Variants in MGMT observed in about 807,000 individuals in gnomAD.
MGMT encodes methylated-DNA--protein-cysteine methyltransferase.
In MGMT, 14 loss-of-function variants were observed where a neutral mutation model predicts 15.9. The observed-to-expected ratio is 0.88, with a 90% CI of 0.58 to 1.37. The LOEUF (loss-of-function observed/expected upper bound fraction) is 1.37, where lower values mean the gene tolerates loss of function less well. Among genes scored for constraint, MGMT ranks in the 40% most tolerant of loss-of-function variants. MGMT has a pLI of 0.00. For synonymous variants in MGMT, 130 were observed against 118.2 expected (o/e 1.10, Z -0.65); for missense variants, 282 against 268.1 (o/e 1.05, Z -0.36).
chr10:129,536,496 C>T (rs1344180309), intron 2 of MGMT, 119 bp downstream of exon 2: 16 of 1,256,738 alleles, frequency 1.3e-5, no homozygotes, highest in Admixed American at 8.5e-5. Flanking sequence ...CCCCCACAAC[C>T]GCAACCACGA....
intron 2 of MGMT, among the ~76,000 whole-genome samples, chr10:129,617,621 T>C (rs1269171711): frequency 2.8e-4 from 42 of 152,182 alleles, no homozygotes; most frequent in Admixed American, 2.7e-3. Flanking sequence ...TAAAAACCAT[T>C]CTGACTAGTG....
chr10:129,555,488 C>T (rs995711500), intron 2 of MGMT, among the ~76,000 whole-genome samples: 2 of 152,082 alleles, frequency 1.3e-5, no homozygotes, highest in Admixed American at 1.3e-4. Flanking sequence ...AGGCAAGAGA[C>T]TCACTTGAGG....
At chr10:129,608,012 A>G (rs1369148324) in intron 2 of MGMT, among the ~76,000 whole-genome samples, 1 of 152,198 alleles carries the variant, frequency 6.6e-6, no homozygotes, top group Non-Finnish European at 1.5e-5. Flanking sequence ...AATGGAATAT[A>G]TCAGTGCATG....
intron 1 of MGMT, among the ~76,000 whole-genome samples, chr10:129,522,779 C>T (rs935969154): frequency 6.6e-6 from 1 of 152,204 alleles, no homozygotes; most frequent in Non-Finnish European, 1.5e-5. Context: ...GGAACTTCCC[C>T]TCAGCCAGTG....
intron 2 of MGMT, among the ~76,000 whole-genome samples, chr10:129,623,915 A>G (rs1482448469): frequency 1.3e-5 from 2 of 152,246 alleles, no homozygotes; most frequent in Non-Finnish European, 1.5e-5. Context: ...ACTTGAACGC[A>G]TGCCATTCTG....
intron 3 of MGMT, among the ~76,000 whole-genome samples, chr10:129,755,685 T>G (rs1467492429): frequency 6.6e-6 from 1 of 152,258 alleles, no homozygotes; most frequent in East Asian, 1.9e-4. Flanking sequence ...GCCTCAGTGC[T>G]TGTCGGAGCC....
intron 1 of MGMT, 30 bp downstream of exon 1, chr10:129,467,326 A>G (rs1845179809): frequency 6.5e-7 from 1 of 1,530,958 alleles, no homozygotes; most frequent in Non-Finnish European, 8.8e-7. Flanking sequence ...CGCTCCCGGA[A>G]GAGTGCGGAG....
intron 2 of MGMT, among the ~76,000 whole-genome samples, chr10:129,606,299 A>C (rs1846890124): frequency 6.6e-6 from 1 of 152,200 alleles, no homozygotes; most frequent in African/African-American, 2.4e-5. Context: ...TCCTGTTTAT[A>C]CTTAATGACC....
intron 1 of MGMT, among the ~76,000 whole-genome samples, chr10:129,470,472 ATGAC>A (rs1378720655): frequency 6.6e-6 from 1 of 152,222 alleles, no homozygotes; most frequent in Non-Finnish European, 1.5e-5. Flanking sequence ...AATGTAATGA[ATGAC>A]TGACTTCTTC....
At chr10:129,626,046 G>A (rs1847144909) in intron 2 of MGMT, among the ~76,000 whole-genome samples, 1 of 152,172 alleles carries the variant, frequency 6.6e-6, no homozygotes, top group Non-Finnish European at 1.5e-5. Context: ...CCAGTTAGGG[G>A]AACCTGAGGC....
chr10:129,629,683 C>T (rs952563654), intron 2 of MGMT, among the ~76,000 whole-genome samples: 4 of 152,170 alleles, frequency 2.6e-5, no homozygotes, highest in African/African-American at 4.8e-5. Flanking sequence ...GGTTGCTCCA[C>T]GTTTCTGCCA....
chr10:129,697,204 T>C (rs531652147), intron 2 of MGMT, among the ~76,000 whole-genome samples: 1 of 152,266 alleles, frequency 6.6e-6, no homozygotes, highest in African/African-American at 2.4e-5. Context: ...GTCCTGTGGA[T>C]TGGGGAAGAG....
chr10:129,647,225 C>A (rs991010202), intron 2 of MGMT, among the ~76,000 whole-genome samples: 1 of 152,240 alleles, frequency 6.6e-6, no homozygotes, highest in Non-Finnish European at 1.5e-5. Flanking sequence ...GCTCTGCTCA[C>A]CCGCCCAGCG....
intron 2 of MGMT, among the ~76,000 whole-genome samples, chr10:129,661,407 A>G (rs1847596418): frequency 6.6e-6 from 1 of 152,284 alleles, no homozygotes; most frequent in Non-Finnish European, 1.5e-5. Flanking sequence ...CAGCAGTAAT[A>G]AAGACGCGTC....
chr10:129,681,166 G>A (rs7095917), intron 2 of MGMT, among the ~76,000 whole-genome samples: 11,767 of 152,266 alleles, frequency 0.077, 655 homozygotes, highest in African/African-American at 0.15. Flanking sequence ...ACCTGTGGCC[G>A]TAGCACCGGG....
chr10:129,686,065 GA>G (rs1203717839), intron 2 of MGMT, among the ~76,000 whole-genome samples: 1 of 152,144 alleles, frequency 6.6e-6, no homozygotes, highest in Non-Finnish European at 1.5e-5. Context: ...CAATTATAAA[GA>G]AAATTACTCC....
intron 2 of MGMT, chr10:129,700,170 C>T (rs1233629676): frequency 6.6e-6 from 1 of 152,128 alleles, no homozygotes; most frequent in East Asian, 1.9e-4. Flanking sequence ...TCAGCAACGG[C>T]AGCTCAAGAC....
intron 1 of MGMT, among the ~76,000 whole-genome samples, chr10:129,473,819 AGCTGTCCCTGCGTGT>A (rs1845259448): frequency 1.3e-5 from 2 of 152,180 alleles, no homozygotes; most frequent in South Asian, 4.1e-4. Context: ...GGGATGGCAA[AGCTGTCCCTGCGTGT>A]GCCTTGTGCC....
In MGMT at chr10:129,645,342, G is replaced by A. The variant is rs1220294561; in HGVS notation, c.126-62553G>A. 3.3e-5 allele frequency among the ~76,000 whole-genome samples: 5 copies of A among 152,062 alleles called. No individual in the cohort carries two copies. In the East Asian group the frequency reaches 7.8e-4, roughly 24 times the overall value. On this transcript the variant is annotated intron_variant, in intron 2 of 4. Coordinates refer to ENST00000651593, the MANE Select transcript of MGMT (RefSeq NM_002412.5). ...TTACCATGTTAATCAGGCTGGTCTC[G>A]AACTCCTGACCTCAGGTGATCCACC...
Sources: allele counts gnomAD v4.1 joint callset (sites outside exome capture counted in the v4.1 genomes callset), GRCh38; gene constraint gnomAD v4.1.1; transcripts MANE v1.5; gene names NCBI Gene and HGNC (gene_info 2026-07-23, HGNC 2026-07-21).